Variants in FOXA3 observed in about 807,000 individuals in gnomAD.
FOXA3 encodes the protein hepatocyte nuclear factor 3-gamma.
Under a neutral mutation model 16.9 loss-of-function variants are expected in FOXA3, and 11 were observed. The ratio of observed to expected loss-of-function variants is 0.65; its 90% confidence interval spans 0.41 to 1.08. FOXA3 has a LOEUF of 1.08. FOXA3 is among the 50% of genes least tolerant of loss of function. The pLI is 0.00. For synonymous variants in FOXA3, 217 were observed against 203.3 expected, an observed-to-expected ratio of 1.07 and a Z score of -0.57; for missense variants, 423 against 470.1, an observed-to-expected ratio of 0.90 and a Z score of 0.93.
Position 45,873,420 on chromosome 19 carries a change from C to T in FOXA3, c.*362C>T. On this transcript the variant is annotated 3_prime_UTR_variant, in exon 2 of 2. Coordinates refer to ENST00000302177, the MANE Select transcript of FOXA3 (RefSeq NM_004497.3). ...CCCCCATTAGGTGCTGTGCCCACTTCTTTTTTGGTGTACTTGGCACAGTAG... is the reference window on the plus strand; with the variant it reads ...CCCCCATTAGGTGCTGTGCCCACTTTTTTTTTGGTGTACTTGGCACAGTAG... 3.2e-6 allele frequency: 1 copy of T among 317,320 alleles called. No individual in the cohort carries two copies. Among genetic ancestry groups the T allele is most frequent in the Admixed American group, 4.5e-5 (1 of 22,232 alleles). 19.7% of individuals were successfully genotyped at this position (317,320 alleles called of 1,614,324 possible).
rs545030174 is a variant in FOXA3 at position 45,870,684 on chromosome 19, C to T, written c.70-1391C>T. On this transcript the variant is annotated intron_variant, in intron 1 of 1. Coordinates refer to ENST00000302177, the MANE Select transcript of FOXA3 (RefSeq NM_004497.3). Reference sequence around the variant, plus strand: ...TCCTGGGCTCAAGCGATCCTCCTGCCTCAACCTCCCGAGTAGCTGGGATTA... The same window carrying T: ...TCCTGGGCTCAAGCGATCCTCCTGCTTCAACCTCCCGAGTAGCTGGGATTA... Among the ~76,000 whole-genome samples, 5 of 151,914 alleles carry T rather than the reference C, an allele frequency of 3.3e-5. No individual in the cohort carries two copies. In the South Asian group the frequency reaches 6.2e-4, roughly 19 times the overall value.
Position 45,872,959 on chromosome 19 carries a change from C to A in FOXA3, c.954C>A (p.Pro318=), listed in dbSNP as rs3810327. Residue 318 remains proline, a synonymous_variant, in exon 2 of 2, where the codon CCC becomes CCA. Transcript: ENST00000302177. The surrounding 1 kb of genome is among the most constrained non-coding windows in gnomAD (Gnocchi z 4.5). ...NLMSEQTPAP[P]KLDVGFGGYG... is the part of the protein sequence containing the mutation. ...TGTCAGAACAGACACCAGCACCTCC[C>A]AAACTGGACGTGGGGTTTGGGGGCT... The A allele has an allele frequency of 0.091, 146,940 of 1,613,926 alleles. 7,223 individuals are homozygous for A. Among genetic ancestry groups the A allele is most frequent in the South Asian group, 0.096 (8,729 of 91,048 alleles).
At chr19:45,868,051 T>G (rs2146360732) in intron 1 of FOXA3, among the ~76,000 whole-genome samples, 4 of 140,844 alleles carry the variant, frequency 2.8e-5, no homozygotes, top group African/African-American at 1.1e-4. Flanking sequence ...GGGAGGGAGA[T>G]GGGAGAGGGG....
chr19:45,869,700 T>C (rs1019394606), intron 1 of FOXA3, among the ~76,000 whole-genome samples: 3 of 152,338 alleles, frequency 2.0e-5, no homozygotes, highest in Non-Finnish European at 4.4e-5. Context: ...TGAAGATATA[T>C]AGTAAATGGA....
chr19:45,867,414 G>GAGATAGATAGATAGATAGAT (rs10682335), intron 1 of FOXA3, among the ~76,000 whole-genome samples: 9 of 143,506 alleles, frequency 6.3e-5, no homozygotes, highest in Non-Finnish European at 7.6e-5. Flanking sequence ...TGAAGGGAGG[G>GAGATAGATAGATAGATAGAT]AGATAGATAG....
At chr19:45,865,237 C>T (rs1972073087) in intron 1 of FOXA3, among the ~76,000 whole-genome samples, 2 of 152,106 alleles carry the variant, frequency 1.3e-5, no homozygotes, top group South Asian at 2.1e-4. Flanking sequence ...TCCGCAGGGA[C>T]TCCCCAAGTC....
chr19:45,866,247 A>T (rs1031617126), intron 1 of FOXA3, among the ~76,000 whole-genome samples: 5 of 150,736 alleles, frequency 3.3e-5, no homozygotes, highest in Non-Finnish European at 7.4e-5. Flanking sequence ...CCTTGTCTTT[A>T]AAAAAAAAAT....
At position 45,873,227 on chromosome 19, in the gene FOXA3, TACTGTGATA is replaced by T; in HGVS notation, c.*172_*180del. 9.4e-7 allele frequency: 1 copy of T among 1,067,436 alleles called. No homozygotes were observed. Among genetic ancestry groups the T allele is most frequent in the Non-Finnish European group, 1.3e-6 (1 of 746,974 alleles). 66.1% of individuals were successfully genotyped at this position (1,067,436 alleles called of 1,614,324 possible). On this transcript the variant is annotated 3_prime_UTR_variant, in exon 2 of 2. Coordinates refer to ENST00000302177, the MANE Select transcript of FOXA3 (RefSeq NM_004497.3). ...GTGGGCATGGTGTTGATCCACGGGG[TACTGTGATA>T]ACCACCATGGATACATTTTGGTGGC...
intron 1 of FOXA3, among the ~76,000 whole-genome samples, chr19:45,867,382 G>T (rs1382898402): frequency 6.6e-6 from 1 of 151,890 alleles, no homozygotes; most frequent in South Asian, 2.1e-4. Flanking sequence ...GTAAGACTTG[G>T]GGTGAGGGGG....
At chr19:45,867,814 T>G in intron 1 of FOXA3, among the ~76,000 whole-genome samples, 5 of 131,542 alleles carry the variant, frequency 3.8e-5, no homozygotes, top group East Asian at 2.3e-4. Context: ...GAAGATGGGC[T>G]GAAGGAGGAA....
At position 45,864,460 on chromosome 19, in the gene FOXA3, C is replaced by G; in HGVS notation, c.4C>G (p.Leu2Val). The G allele has an allele frequency of 6.7e-7, 1 of 1,499,466 alleles. No individual in the cohort carries two copies. The allele number at this position is 1,499,466 out of a possible 1,614,324, so 92.9% of individuals were successfully genotyped here. The change falls in exon 1 of 2, where the codon CTG becomes GTG. Residue 2 changes from leucine to valine, a missense_variant. Physicochemically the swap from Leu to Val is conservative, Grantham distance 32. Around this residue, in one of 3 missense-constraint regions of FOXA3, gnomAD observed 170 missense variants for 153.9 expected, o/e 1.10. Transcript: ENST00000302177. M[L>V]GSVKMEAHDL... is the part of the protein sequence containing the mutation. ...GGTGGGGGCGTAAGCCCGGGGGATG[C>G]TGGGCTCAGTGAAGATGGAGGCCCA... is the stretch of plus-strand genomic sequence containing the variant.
chr19:45,867,562 T>A (rs1972095479), intron 1 of FOXA3, among the ~76,000 whole-genome samples: 1 of 151,708 alleles, frequency 6.6e-6, no homozygotes, highest in Admixed American at 6.6e-5. Context: ...GGTGGATCAC[T>A]TGAGGTCAGG....
At position 45,873,151 on chromosome 19, in the gene FOXA3, T is replaced by C. The variant is rs925945653; in HGVS notation, c.*93T>C. The C allele has an allele frequency of 6.5e-7, 1 of 1,536,326 alleles. No individual in the cohort carries two copies. Among genetic ancestry groups the C allele is most frequent in the African/African-American group, 1.4e-5 (1 of 72,840 alleles). ...TTCTGGTGACACTTCACTTGTCCCA[T>C]TGGTTAACATCTGGGTGGGTCTATT... On this transcript the variant is annotated 3_prime_UTR_variant, in exon 2 of 2. Coordinates refer to ENST00000302177, the MANE Select transcript of FOXA3 (RefSeq NM_004497.3).
At position 45,864,395 on chromosome 19, in the gene FOXA3, A is replaced by T. The variant is rs1241998304; in HGVS notation, c.-62A>T. The T allele has an allele frequency of 7.6e-7, 1 of 1,316,802 alleles. No homozygotes were observed. Among genetic ancestry groups the T allele is most frequent in the African/African-American group, 1.5e-5 (1 of 65,170 alleles). 81.6% of individuals were successfully genotyped at this position (1,316,802 alleles called of 1,614,324 possible). A position where few individuals can be genotyped will look rare whatever the true frequency, so the allele number is the denominator to read the frequency against. ...GAGCTCGGGCCGTGCCCGCTGAGAG[A>T]TCCAGAGCGCTCCGTTCCCCCGGGG... On this transcript the variant is annotated 5_prime_UTR_variant, in exon 1 of 2. Transcript: ENST00000302177.
chr19:45,871,669 G>C (rs2146362604), intron 1 of FOXA3, among the ~76,000 whole-genome samples: 1 of 152,150 alleles, frequency 6.6e-6, no homozygotes, highest in African/African-American at 2.4e-5. Context: ...AGGAGGCGGA[G>C]GTTGCATTGA....
In FOXA3 at chr19:45,872,368, C is replaced by T. The variant is rs1485577997; in HGVS notation, c.363C>T (p.Ser121=). 5 of 1,614,084 alleles carry T rather than the reference C, an allele frequency of 3.1e-6. No homozygotes were observed. The highest frequency in any genetic ancestry group is 1.7e-5 in the Admixed American group (1 of 60,012). The change falls in exon 2 of 2, where the codon TCC becomes TCT. Residue 121 remains serine, a synonymous_variant. Transcript: ENST00000302177. The surrounding 1 kb of genome is among the most constrained non-coding windows in gnomAD (Gnocchi z 4.5). ...RPLAHAKPPY[S]YISLITMAIQ... is the part of the protein sequence containing the mutation. The stretch of plus-strand genomic sequence containing the variant: ...TGGCACACGCCAAGCCACCGTATTC[C>T]TATATCTCACTCATCACCATGGCCA...
intron 1 of FOXA3, among the ~76,000 whole-genome samples, chr19:45,869,032 A>G (rs1012270503): frequency 3.3e-5 from 5 of 152,006 alleles, no homozygotes; most frequent in Non-Finnish European, 5.9e-5. Context: ...GGTTCAAGCA[A>G]TTCTCCTGCC....
In FOXA3 at chr19:45,872,341, C is replaced by T. The variant is rs780936239; in HGVS notation, c.336C>T (p.Pro112=). 7 of 1,614,042 alleles carry T rather than the reference C, an allele frequency of 4.3e-6. No homozygotes were observed. The highest frequency in any genetic ancestry group is 5.9e-6 in the Non-Finnish European group (7 of 1,180,016). Residue 112 remains proline, a synonymous_variant, in exon 2 of 2, where the codon CCC becomes CCT. Coordinates refer to ENST00000302177, the MANE Select transcript of FOXA3 (RefSeq NM_004497.3). The surrounding 1 kb of genome is among the most constrained non-coding windows in gnomAD (Gnocchi z 4.5). The stretch of plus-strand genomic sequence containing the variant: ...AGATGCCGAAGGGGTATCGGCGGCC[C>T]CTGGCACACGCCAAGCCACCGTATT... ...GKEMPKGYRR[P]LAHAKPPYSY... is the part of the protein sequence containing the mutation.
At chr19:45,867,171 T>G (rs1267053819) in intron 1 of FOXA3, among the ~76,000 whole-genome samples, 1 of 151,914 alleles carries the variant, frequency 6.6e-6, no homozygotes, top group African/African-American at 2.4e-5. Flanking sequence ...CTGTCTGTCT[T>G]ACTCTGCAAT....
Sources: allele counts gnomAD v4.1 joint callset (sites outside exome capture counted in the v4.1 genomes callset), GRCh38; gene constraint gnomAD v4.1.1; regional missense constraint gnomAD v4.1.1; non-coding constraint Gnocchi (gnomAD v3.1); transcripts MANE v1.5; gene names NCBI Gene and HGNC (gene_info 2026-07-23, HGNC 2026-07-21).